Variants in HNRNPR observed in about 807,000 individuals in gnomAD.
HNRNPR encodes heterogeneous nuclear ribonucleoprotein R.
A neutral mutation model predicts 70.3 loss-of-function variants in HNRNPR; 4 were observed. The observed-to-expected ratio is 0.06, with a 90% CI of 0.03 to 0.13. The LOEUF is 0.13. Among genes scored for constraint, HNRNPR ranks in the 10% least tolerant of loss-of-function variants. HNRNPR has a pLI of 1.00. For missense variants in HNRNPR, 423 were observed against 788.5 expected (o/e 0.54, Z 5.55); for synonymous variants, 241 against 267.6 (o/e 0.90, Z 0.97).
chr1:23,325,136 T>C (rs1218306946), intron 5 of HNRNPR, among the ~76,000 whole-genome samples: 2 of 150,756 alleles, frequency 1.3e-5, no homozygotes, highest in Admixed American at 6.6e-5. Flanking sequence ...GGAGACTCCA[T>C]CTCAAAAAAA....
In HNRNPR at chr1:23,310,352, T is replaced by C. The variant is rs1645281479; in HGVS notation, c.*102A>G. On this transcript the variant is annotated 3_prime_UTR_variant, in exon 11 of 11. Transcript: ENST00000302271. The surrounding 1 kb of genome is among the most constrained non-coding windows in gnomAD (Gnocchi z 6.0). ...CAGCCCAATACAAATGGCAGCAAAA[T>C]GCTACTTAAAGATGAAACAGTTAAG... 1 of 1,121,928 alleles carries C rather than the reference T, an allele frequency of 8.9e-7. No homozygotes were observed. Among genetic ancestry groups the C allele is most frequent in the Non-Finnish European group, 1.3e-6 (1 of 791,610 alleles). The allele number at this position is 1,121,928 out of a possible 1,614,324, so 69.5% of individuals were successfully genotyped here.
intron 5 of HNRNPR, 37 bp downstream of exon 5, chr1:23,333,481 C>A: frequency 2.3e-6 from 3 of 1,331,006 alleles, no homozygotes; most frequent in Non-Finnish European, 3.3e-6. Flanking sequence ...ACTTTCCAAA[C>A]TGGAAAGATC....
chr1:23,324,517 G>A (rs1161124665), intron 5 of HNRNPR, among the ~76,000 whole-genome samples: 8 of 152,200 alleles, frequency 5.3e-5, no homozygotes, highest in Non-Finnish European at 8.8e-5. Context: ...GCAGCGAGCC[G>A]AGATCGTGCC....
chr1:23,338,564 G>C lies in HNRNPR; in HGVS notation c.202C>G (p.Leu68Val). 1 of 1,599,936 alleles carries C rather than the reference G, an allele frequency of 6.3e-7. No individual in the cohort carries two copies. The highest frequency in any genetic ancestry group is 1.1e-5 in the South Asian group (1 of 88,810). ...VDLDERAIDALREFNEEGALS... is the reference protein window; with the variant it reads ...VDLDERAIDAVREFNEEGALS... ...GCTCCTTCTTCATTAAATTCCCTGA[G>C]AGCATCAATTGCTCTTTCATCAAGA... Residue 68 changes from leucine to valine, a missense_variant, in exon 3 of 11, where the codon CTC (leucine) becomes GTC (valine). Around this residue, in one of 7 missense-constraint regions of HNRNPR, gnomAD observed 44 missense variants for 89.0 expected, o/e 0.49. Transcript: ENST00000302271.
chr1:23,330,326 A>G (rs550996974), intron 5 of HNRNPR, among the ~76,000 whole-genome samples: 1 of 152,144 alleles, frequency 6.6e-6, no homozygotes, highest in Admixed American at 6.6e-5. Flanking sequence ...CATGAGGTCA[A>G]GAGTTTGAGA....
chr1:23,322,189 A>G (rs898856470), intron 6 of HNRNPR, among the ~76,000 whole-genome samples: 1 of 152,106 alleles, frequency 6.6e-6, no homozygotes, highest in Non-Finnish European at 1.5e-5. Flanking sequence ...AATTTTGAAA[A>G]ATGTTTTATT....
At position 23,311,143 on chromosome 1, in the gene HNRNPR, A is replaced by G; in HGVS notation, c.1289+58T>C. 5 of 1,609,726 alleles carry G rather than the reference A, an allele frequency of 3.1e-6. No homozygotes were observed. The South Asian group carries it at 4.4e-5, about 14-fold the overall frequency. On this transcript the variant is annotated intron_variant, in intron 10 of 10. Transcript: ENST00000302271. Reference sequence around the variant, plus strand: ...ACTCTGATTTTGTTTTATTAATCTGATCTCCATTATCACGTTATTCCTTGT... The same window carrying G: ...ACTCTGATTTTGTTTTATTAATCTGGTCTCCATTATCACGTTATTCCTTGT...
intron 1 of HNRNPR, among the ~76,000 whole-genome samples, chr1:23,342,729 C>T (rs1418109479): frequency 1.3e-5 from 2 of 152,186 alleles, no homozygotes; most frequent in Non-Finnish European, 2.9e-5. Flanking sequence ...AAGACCCTTA[C>T]AGCATTGTAC....
Position 23,305,911 on chromosome 1 carries a change from A to G in HNRNPR, c.*4543T>C, listed in dbSNP as rs1279922592. On this transcript the variant is annotated 3_prime_UTR_variant, in exon 11 of 11. Transcript: ENST00000302271. ...TATTGTCAAACTGCTAAAACTTTTT[A>G]AAGTTTCATTTTACAGTGTTAAGAT... 6.6e-6 allele frequency: 1 copy of G among 152,188 alleles called. No individual in the cohort carries two copies. The highest frequency in any genetic ancestry group is 1.5e-5 in the Non-Finnish European group (1 of 68,024). 9.4% of individuals were successfully genotyped at this position (152,188 alleles called of 1,614,324 possible).
chr1:23,323,583 C>G lies in HNRNPR; in HGVS notation c.648G>C (p.Lys216Asn). The stretch of plus-strand genomic sequence containing the variant: ...GTTTCACGGCTTCCTGTGCAGCTTC[C>G]TTTCCACAGAAGGTGATAAATGCAT... ...RGYAFITFCG[K>N]EAAQEAVKLC... Residue 216 changes from lysine (K) to asparagine (N), a missense_variant, in exon 6 of 11, where the codon AAG (lysine) becomes AAC (asparagine). Transcript: ENST00000302271. The G allele has an allele frequency of 6.2e-7, 1 of 1,613,916 alleles. No individual in the cohort carries two copies. Among genetic ancestry groups the G allele is most frequent in the South Asian group, 1.1e-5 (1 of 91,060 alleles).
Position 23,338,592 on chromosome 1 carries a change from G to C in HNRNPR, c.174C>G (p.Val58=), listed in dbSNP as rs762651913. ...CATCAATTGCTCTTTCATCAAGATC[G>C]ACATAAGCTACCAATCCTAAAAATT... The part of the protein sequence containing the change: ...EIFQTGLVAY[V]DLDERAIDAL... Residue 58 remains valine (V), a synonymous_variant, in exon 3 of 11, where the codon GTC becomes GTG. Coordinates refer to ENST00000302271, the MANE Select transcript of HNRNPR (RefSeq NM_005826.5). 1.3e-6 allele frequency: 2 copies of C among 1,580,046 alleles called. No homozygotes were observed. Among genetic ancestry groups the C allele is most frequent in the African/African-American group, 2.7e-5 (2 of 73,436 alleles).
Position 23,310,865 on chromosome 1 carries a change from A to G in HNRNPR, c.1491T>C (p.Tyr497=). ...EDPYYGYDDG[Y]AVRGRGGGRG... ...TTCCTCCTCCTCTTCCTCTTACTGCATAGCCATCATCATAGCCGTAGTAGG... is the reference window on the plus strand; with the variant it reads ...TTCCTCCTCCTCTTCCTCTTACTGCGTAGCCATCATCATAGCCGTAGTAGG... The change falls in exon 11 of 11, where the codon TAT becomes TAC. Residue 497 remains tyrosine (Y), a synonymous_variant. Transcript: ENST00000302271. This position sits in a 1 kb window ranked among gnomAD's most constrained non-coding sequence, Gnocchi z 6.0. 2 of 1,613,972 alleles carry G rather than the reference A, an allele frequency of 1.2e-6. No individual in the cohort carries two copies. Among genetic ancestry groups the G allele is most frequent in the Non-Finnish European group, 1.7e-6 (2 of 1,179,974 alleles).
In HNRNPR at chr1:23,310,473, T is replaced by G; in HGVS notation, c.1883A>C (p.Tyr628Ser). ...ACTTGTCTACTTCCACTGTTGCCCA[T>G]AAGTATCCTGATAAAATTCCTGGTT... ...NDNQEFYQDTYGQQWK is the reference protein window; with the variant it reads ...NDNQEFYQDTSGQQWK Residue 628 changes from tyrosine to serine, a missense_variant, in exon 11 of 11, where the codon TAT (tyrosine) becomes TCT (serine). Tyr to Ser is a moderately radical substitution (Grantham distance 144). Around this residue, in one of 7 missense-constraint regions of HNRNPR, gnomAD observed 39 missense variants for 53.2 expected, o/e 0.73. Transcript: ENST00000302271. The surrounding 1 kb of genome is among the most constrained non-coding windows in gnomAD (Gnocchi z 6.0). 1 of 1,607,684 alleles carries G rather than the reference T, an allele frequency of 6.2e-7. No individual in the cohort carries two copies. Among genetic ancestry groups the G allele is most frequent in the Non-Finnish European group, 8.5e-7 (1 of 1,176,878 alleles).
intron 7 of HNRNPR, among the ~76,000 whole-genome samples, chr1:23,320,031 CTTTAATT>C (rs749667042): frequency 1.8e-4 from 28 of 152,244 alleles, no homozygotes; most frequent in Non-Finnish European, 4.0e-4. Flanking sequence ...CTAAATATTC[CTTTAATT>C]TTTATTTTTT....
intron 5 of HNRNPR, among the ~76,000 whole-genome samples, chr1:23,332,103 G>C (rs890781269): frequency 6.6e-6 from 1 of 152,080 alleles, no homozygotes; most frequent in Admixed American, 6.5e-5. Context: ...CTGCACTCCA[G>C]CCTGGGCGAC....
chr1:23,339,267 T>C (rs1646620762), intron 2 of HNRNPR, among the ~76,000 whole-genome samples: 1 of 152,262 alleles, frequency 6.6e-6, no homozygotes, highest in South Asian at 2.1e-4. Flanking sequence ...AGTCATACTT[T>C]AAGGCATTCT....
At chr1:23,336,527 G>A (rs1337787747) in intron 4 of HNRNPR, among the ~76,000 whole-genome samples, 2 of 130,894 alleles carry the variant, frequency 1.5e-5, no homozygotes, top group Admixed American at 9.3e-5. Flanking sequence ...AGCTGAGATC[G>A]CGCCACTGCA....
intron 8 of HNRNPR, 68 bp from the exon 9 acceptor site, chr1:23,313,770 G>A: frequency 6.6e-7 from 1 of 1,510,080 alleles, no homozygotes; most frequent in South Asian, 1.2e-5. Flanking sequence ...GTTTCTTCCT[G>A]TCTTCATAGC....
chr1:23,323,468 C>A, intron 6 of HNRNPR, 88 bp downstream of exon 6: 4 of 1,253,552 alleles, frequency 3.2e-6, no homozygotes, highest in Non-Finnish European at 4.5e-6. Flanking sequence ...CTGAAGAAAT[C>A]AAAATAATGT....
Sources: allele counts gnomAD v4.1 joint callset (sites outside exome capture counted in the v4.1 genomes callset), GRCh38; gene constraint gnomAD v4.1.1; regional missense constraint gnomAD v4.1.1; non-coding constraint Gnocchi (gnomAD v3.1); transcripts MANE v1.5; gene names NCBI Gene and HGNC (gene_info 2026-07-23, HGNC 2026-07-21).